LYSMD1: variants seen among roughly 807,000 people sequenced by gnomAD.
LYSMD1 encodes LysM domain containing 1, also known as lysM and putative peptidoglycan-binding domain-containing protein 1.
In LYSMD1, 9 loss-of-function variants were observed where a neutral mutation model predicts 19.3. The observed-to-expected ratio is 0.47, with a 90% CI of 0.28 to 0.81. The LOEUF is 0.81. Among genes scored for constraint, LYSMD1 ranks in the 40% least tolerant of loss-of-function variants. LYSMD1 has a pLI of 0.11. For synonymous variants in LYSMD1, 111 were observed against 111.7 expected (o/e 0.99, Z 0.04); for missense variants, 262 against 279.8 (o/e 0.94, Z 0.45).
At chr1:151,153,711 T>C in the LYSMD1 span, among the ~76,000 whole-genome samples, 7 of 150,864 alleles carry the variant, frequency 4.6e-5, no homozygotes, top group East Asian at 7.8e-4. Context: ...TCCCAGCACT[T>C]TGGGAGGCTG....
chr1:151,165,605 G>T lies in LYSMD1; in HGVS notation c.-347C>A. ...TCTTTCCTCAGTTTGCCCCCAAGTA[G>T]CCTGGCCTCAGGGCGCTCCAACATC... is the stretch of plus-strand genomic sequence containing the variant. On this transcript the variant is annotated 5_prime_UTR_variant, in exon 1 of 3. Coordinates refer to ENST00000368908, the MANE Select transcript of LYSMD1 (RefSeq NM_212551.5). 6.6e-7 allele frequency: 1 copy of T among 1,520,196 alleles called. No homozygotes were observed. The highest frequency in any genetic ancestry group is 8.8e-7 in the Non-Finnish European group (1 of 1,136,446). 94.2% of individuals were successfully genotyped at this position (1,520,196 alleles called of 1,614,324 possible).
At chr1:151,163,429 CTTTA>C (rs1158762323) in intron 1 of LYSMD1, among the ~76,000 whole-genome samples, 1 of 151,900 alleles carries the variant, frequency 6.6e-6, no homozygotes, top group Non-Finnish European at 1.5e-5. Context: ...CTCATTAATG[CTTTA>C]TTTAAAAACT....
downstream of LYSMD1, among the ~76,000 whole-genome samples, chr1:151,158,274 G>A (rs2101681451): frequency 6.8e-6 from 1 of 147,416 alleles, no homozygotes; most frequent in Admixed American, 6.9e-5. Context: ...AGTGAACAGA[G>A]ATCACACCAC....
intron 1 of LYSMD1, among the ~76,000 whole-genome samples, chr1:151,164,162 G>C (rs1405149151): frequency 6.6e-6 from 1 of 152,176 alleles, no homozygotes; most frequent in African/African-American, 2.4e-5. Flanking sequence ...CCAAAGTGCT[G>C]GGATTACAGG....
Position 151,161,028 on chromosome 1 carries a change from T to G in LYSMD1, c.546-8A>C. 6.2e-7 allele frequency: 1 copy of G among 1,613,012 alleles called. No homozygotes were observed. The highest frequency in any genetic ancestry group is 1.1e-5 in the South Asian group (1 of 91,046). On this transcript the variant is annotated splice_polypyrimidine_tract_variant and splice_region_variant and intron_variant, in intron 2 of 2. Transcript: ENST00000368908. ...GCATCCTCCCCAGGTACCCTGCAATTGAGGAAAGGGGGGAAAGAGTGACAG... is the reference window on the plus strand; with the variant it reads ...GCATCCTCCCCAGGTACCCTGCAATGGAGGAAAGGGGGGAAAGAGTGACAG...
chr1:151,151,683 A>G, the LYSMD1 span, among the ~76,000 whole-genome samples: 1 of 151,750 alleles, frequency 6.6e-6, no homozygotes, highest in Non-Finnish European at 1.5e-5. Context: ...TAATCCCAGC[A>G]CTTTGGGAGG....
downstream of LYSMD1, among the ~76,000 whole-genome samples, chr1:151,157,103 G>A (rs749946560): frequency 1.4e-4 from 21 of 152,244 alleles, no homozygotes; most frequent in African/African-American, 3.4e-4. Flanking sequence ...AGAAGACAGC[G>A]GAATAAATGT....
rs777245106 is a variant in LYSMD1 at position 151,161,963 on chromosome 1, C to T, written c.318G>A (p.Glu106=). 1 of 1,614,064 alleles carries T rather than the reference C, an allele frequency of 6.2e-7. No homozygotes were observed. Among genetic ancestry groups the T allele is most frequent in the South Asian group, 1.1e-5 (1 of 91,084 alleles). ...CACTGTTACTTGGGTGTACTTTTTC[C>T]TCTCCATCTTTCTCTTCCTCAGAGT... ...GLDSEEEKDG[E]EKVHPSNSEV... The change falls in exon 2 of 3, where the codon GAG becomes GAA. Residue 106 remains glutamate (E), a synonymous_variant. Coordinates refer to ENST00000368908, the MANE Select transcript of LYSMD1 (RefSeq NM_212551.5).
rs148567160 is a variant in LYSMD1, at chr1:151,165,619, C to T, written c.-361G>A. ...GCCCCCAAGTAGCCTGGCCTCAGGG[C>T]GCTCCAACATCCCAGCTCTCCCCGG... On this transcript the variant is annotated 5_prime_UTR_variant, in exon 1 of 3. Coordinates refer to ENST00000368908, the MANE Select transcript of LYSMD1 (RefSeq NM_212551.5). 1.1e-4 allele frequency: 174 copies of T among 1,533,056 alleles called. No individual in the cohort carries two copies. The highest frequency in any genetic ancestry group is 2.4e-4 in the Admixed American group (12 of 49,802). The allele number at this position is 1,533,056 out of a possible 1,614,324, so 95.0% of individuals were successfully genotyped here.
At position 151,159,968 on chromosome 1, in the gene LYSMD1, T is replaced by C. The variant is rs1054326472; in HGVS notation, c.*914A>G. ...CTACAAATCGCAAATAAATATGCAG[T>C]GAGGAGGAAGGCATAGAGAGAGAGG... On this transcript the variant is annotated 3_prime_UTR_variant, in exon 3 of 3. Coordinates refer to ENST00000368908, the MANE Select transcript of LYSMD1 (RefSeq NM_212551.5). 1 of 156,566 alleles carries C rather than the reference T, an allele frequency of 6.4e-6. No homozygotes were observed. The highest frequency in any genetic ancestry group is 2.4e-5 in the African/African-American group (1 of 41,266). The allele number at this position is 156,566 out of a possible 1,614,324, so 9.7% of individuals were successfully genotyped here.
the LYSMD1 span, among the ~76,000 whole-genome samples, chr1:151,153,203 C>T: frequency 1.6e-4 from 25 of 152,126 alleles, no homozygotes; most frequent in African/African-American, 5.6e-4. Flanking sequence ...TTTAAGATAC[C>T]GTCATTTGGC....
At chr1:151,164,917 A>C (rs1383071726) in intron 1 of LYSMD1, among the ~76,000 whole-genome samples, 162 bp downstream of exon 1, 1 of 152,226 alleles carries the variant, frequency 6.6e-6, no homozygotes, top group African/African-American at 2.4e-5. Context: ...ATAGTAGGGC[A>C]GGACTTGTGC....
At chr1:151,163,535 TTTC>T (rs1683531697) in intron 1 of LYSMD1, among the ~76,000 whole-genome samples, 1 of 152,136 alleles carries the variant, frequency 6.6e-6, no homozygotes, top group Non-Finnish European at 1.5e-5. Context: ...TCTTTCTTTC[TTTC>T]TTTTTTTGGA....
rs1683398155 is a variant in LYSMD1, at chr1:151,160,368, A to G, written c.*514T>C. ...ATCCTCAATAACATGTTTGGCTAAC[A>G]AGGTGGGGAAAGTGGAGAACCAGCA... On this transcript the variant is annotated 3_prime_UTR_variant, in exon 3 of 3. Coordinates refer to ENST00000368908, the MANE Select transcript of LYSMD1 (RefSeq NM_212551.5). 6.5e-6 allele frequency: 1 copy of G among 152,688 alleles called. No individual in the cohort carries two copies. Among genetic ancestry groups the G allele is most frequent in the Non-Finnish European group, 1.5e-5 (1 of 68,318 alleles). The allele number at this position is 152,688 out of a possible 1,614,324, so 9.5% of individuals were successfully genotyped here. A position where few individuals can be genotyped will look rare whatever the true frequency, so the allele number is the denominator to read the frequency against.
At chr1:151,158,968 C>A (rs751661522), downstream of LYSMD1, 3 of 1,614,274 alleles carry the variant, frequency 1.9e-6, no homozygotes, top group Non-Finnish European at 2.5e-6. Context: ...TACCCGCTTT[C>A]GCCAGAAGCT....
At chr1:151,157,121 C>T (rs1350192112), downstream of LYSMD1, among the ~76,000 whole-genome samples, 1 of 151,996 alleles carries the variant, frequency 6.6e-6, no homozygotes, top group Admixed American at 6.6e-5. Context: ...TGTGAGACGG[C>T]AATGGGGGCA....
At chr1:151,163,656 T>C (rs974757725) in intron 1 of LYSMD1, among the ~76,000 whole-genome samples, 3 of 151,918 alleles carry the variant, frequency 2.0e-5, no homozygotes, top group African/African-American at 7.3e-5. Flanking sequence ...GCCTCCCCAG[T>C]AGGTGGGATT....
the LYSMD1 span, among the ~76,000 whole-genome samples, chr1:151,152,813 C>A: frequency 6.6e-6 from 1 of 152,336 alleles, no homozygotes; most frequent in South Asian, 2.1e-4. Context: ...CTTACTCTTT[C>A]TGAACTGATA....
At chr1:151,164,667 C>T (rs949061236) in intron 1 of LYSMD1, among the ~76,000 whole-genome samples, 5 of 152,164 alleles carry the variant, frequency 3.3e-5, no homozygotes, top group South Asian at 2.1e-4. Flanking sequence ...TCACTCTCAA[C>T]ATAAAATTTT....
Sources: allele counts gnomAD v4.1 joint callset (sites outside exome capture counted in the v4.1 genomes callset), GRCh38; gene constraint gnomAD v4.1.1; transcripts MANE v1.5; gene names NCBI Gene and HGNC (gene_info 2026-07-23, HGNC 2026-07-21).